RBM6: variants seen among roughly 807,000 people sequenced by gnomAD.
RBM6 encodes the protein RNA-binding protein 6.
Under a neutral mutation model 140.4 loss-of-function variants are expected in RBM6, and 23 were observed. The observed-to-expected ratio is 0.16, with a 90% CI of 0.12 to 0.23. The LOEUF is 0.23. Among genes scored for constraint, RBM6 ranks in the 10% least tolerant of loss-of-function variants. RBM6 has a pLI of 1.00. For missense variants in RBM6, 1,139 were observed against 1,386.7 expected (o/e 0.82, Z 2.84); for synonymous variants, 439 against 475.6 (o/e 0.92, Z 1.00).
chr3:49,952,620 C>T (rs1333733561), intron 1 of RBM6, among the ~76,000 whole-genome samples: 1 of 151,712 alleles, frequency 6.6e-6, no homozygotes, highest in African/African-American at 2.4e-5. Flanking sequence ...CTGCCTCAGC[C>T]TCCCGAGTAG....
Position 50,059,714 on chromosome 3 carries a change from G to A in RBM6, c.2196G>A (p.Met732Ile), listed in dbSNP as rs778877461. 3 of 1,613,740 alleles carry A rather than the reference G, an allele frequency of 1.9e-6. No individual in the cohort carries two copies. The East Asian group carries it at 6.7e-5, about 36-fold the overall frequency. ...CGCCATTTAGCATTGATGGGAAGATGGTAGCTGTAAACCTGGCCACTGGAA... is the reference window on the plus strand; with the variant it reads ...CGCCATTTAGCATTGATGGGAAGATAGTAGCTGTAAACCTGGCCACTGGAA... ...LDPPFSIDGK[M>I]VAVNLATGKR... is the part of the protein sequence containing the mutation. Residue 732 changes from methionine (M) to isoleucine (I), a missense_variant, in exon 11 of 21, where the codon ATG becomes ATA. Coordinates refer to ENST00000266022, the MANE Select transcript of RBM6 (RefSeq NM_005777.3).
At chr3:49,953,012 T>C (rs1434673678) in intron 1 of RBM6, among the ~76,000 whole-genome samples, 2 of 152,130 alleles carry the variant, frequency 1.3e-5, no homozygotes, top group Non-Finnish European at 2.9e-5. Flanking sequence ...CCTCAAAAAG[T>C]GCTGCGATTA....
chr3:50,054,249 T>TC, intron 7 of RBM6, 86 bp from the exon 8 acceptor site: 16 of 1,113,554 alleles, frequency 1.4e-5, no homozygotes, highest in Admixed American at 5.4e-5. Context: ...CTTGTTTCTT[T>TC]CATTTTTGGG....
chr3:49,955,758 T>G (rs11130226), intron 1 of RBM6, among the ~76,000 whole-genome samples: 72,133 of 151,254 alleles, frequency 0.48, 17,895 homozygotes, highest in African/African-American at 0.53. Flanking sequence ...CAGGAGAATC[T>G]CTTGAACTTG....
chr3:50,066,553 C>G (rs1211351430), intron 17 of RBM6, 51 bp downstream of exon 17: 2 of 1,574,742 alleles, frequency 1.3e-6, no homozygotes, highest in Admixed American at 3.4e-5. Context: ...CTTGGCCGGG[C>G]TTTGTGGCTC....
chr3:50,045,282 G>T (rs1423666725), intron 6 of RBM6, among the ~76,000 whole-genome samples: 3 of 152,168 alleles, frequency 2.0e-5, no homozygotes, highest in African/African-American at 7.2e-5. Context: ...ATTGACAGTA[G>T]TGCCTTGTTC....
At chr3:49,968,881 G>T in intron 3 of RBM6, 133 bp downstream of exon 3, 4 of 1,168,526 alleles carry the variant, frequency 3.4e-6, no homozygotes, top group Non-Finnish European at 3.5e-6. Context: ...CTGGGTTCAT[G>T]CCATTCTCCT....
rs2089933935 is a variant in RBM6 at position 50,061,332 on chromosome 3, C to T, written c.2353+111C>T. 4 of 1,589,220 alleles carry T rather than the reference C, an allele frequency of 2.5e-6. No individual in the cohort carries two copies. The East Asian group carries it at 9.0e-5, about 36-fold the overall frequency. On this transcript the variant is annotated intron_variant, in intron 13 of 20. Coordinates refer to ENST00000266022, the MANE Select transcript of RBM6 (RefSeq NM_005777.3). ...AGATACACTGTTGACTGAGGGTGCT[C>T]ATCCAGAGAGAGGCATCTGTAGATG...
intron 6 of RBM6, among the ~76,000 whole-genome samples, chr3:50,043,460 C>G (rs1023677758): frequency 6.8e-6 from 1 of 146,590 alleles, no homozygotes; most frequent in Non-Finnish European, 1.5e-5. Flanking sequence ...GCCACTCCAG[C>G]CTGGGCAACA....
intron 6 of RBM6, among the ~76,000 whole-genome samples, chr3:50,020,297 TG>T (rs1186130542): frequency 6.6e-6 from 1 of 152,206 alleles, no homozygotes; most frequent in Non-Finnish European, 1.5e-5. Context: ...TCAATTTTAT[TG>T]ATCTTTTCAA....
intron 6 of RBM6, among the ~76,000 whole-genome samples, chr3:50,042,659 C>T (rs1286648397): frequency 6.6e-6 from 1 of 152,050 alleles, no homozygotes; most frequent in Non-Finnish European, 1.5e-5. Flanking sequence ...TTGCTTGAGC[C>T]TGGGAGGTCA....
intron 2 of RBM6, among the ~76,000 whole-genome samples, chr3:49,964,768 A>G (rs1301058969): frequency 6.6e-6 from 1 of 152,218 alleles, no homozygotes; most frequent in Non-Finnish European, 1.5e-5. Context: ...TATAGAATTA[A>G]CGTGGTTTAG....
chr3:50,012,525 G>T (rs7645466), intron 6 of RBM6, among the ~76,000 whole-genome samples: 92,142 of 151,138 alleles, frequency 0.61, 28,539 homozygotes, highest in East Asian at 0.88. Flanking sequence ...GCCCGGCTAA[G>T]TTTTTGTATT....
chr3:50,023,382 T>A (rs1477109563), intron 6 of RBM6, among the ~76,000 whole-genome samples: 1 of 152,148 alleles, frequency 6.6e-6, no homozygotes. Flanking sequence ...CTCGGCTGAC[T>A]GCAACCTCCG....
At chr3:49,956,320 C>G (rs938510657) in intron 1 of RBM6, among the ~76,000 whole-genome samples, 11 of 149,888 alleles carry the variant, frequency 7.3e-5, no homozygotes, top group Non-Finnish European at 1.5e-4. Flanking sequence ...TTTCTGCCCC[C>G]TCCCCCGCTT....
rs888900457 is a variant in RBM6 at position 49,957,310 on chromosome 3, C to CT, written c.-66-5251dup. 4.8e-3 allele frequency among the ~76,000 whole-genome samples: 684 copies of CT among 141,442 alleles called. 2 individuals carry two copies. Among genetic ancestry groups the CT allele is most frequent in the African/African-American group, 8.3e-3 (324 of 38,814 alleles). The allele number at this position is 141,442 out of a possible 152,430, so 92.8% of individuals were successfully genotyped here. A position where few individuals can be genotyped will look rare whatever the true frequency, so the allele number is the denominator to read the frequency against. On this transcript the variant is annotated intron_variant, in intron 1 of 20. Coordinates refer to ENST00000266022, the MANE Select transcript of RBM6 (RefSeq NM_005777.3). ...GACTTTCTTCTCATTTTCTTTCTTT[C>CT]TTTTTTTTTTTTTTTGAAGTAGAGA...
intron 3 of RBM6, among the ~76,000 whole-genome samples, chr3:49,969,509 TTA>T (rs952382291): frequency 8.2e-5 from 12 of 146,948 alleles, no homozygotes; most frequent in South Asian, 4.2e-4. Flanking sequence ...GAATATATAT[TTA>T]TATATATATA....
rs117859697 is a variant in RBM6, at chr3:49,990,481, C to T, written c.1484-8959C>T. ...CATTGTTTCATATGCATGCAGTTTG[C>T]TGTTGATCAAAATGTAGTTAAGCAG... is the stretch of plus-strand genomic sequence containing the variant. On this transcript the variant is annotated intron_variant, in intron 5 of 20. Transcript: ENST00000266022. Among the ~76,000 whole-genome samples the T allele has an allele frequency of 5.0e-4, 76 of 152,260 alleles. No homozygotes were observed. The East Asian group carries it at 0.015, about 29-fold the overall frequency.
chr3:49,981,713 C>G (rs766174688), intron 5 of RBM6: 2 of 152,056 alleles, frequency 1.3e-5, no homozygotes, highest in Non-Finnish European at 2.9e-5. Flanking sequence ...GGACATATAA[C>G]TTAGTTGTTT....
Sources: gnomAD v4.1 joint callset for allele counts (sites outside exome capture counted in the v4.1 genomes callset) on GRCh38, gnomAD v4.1.1 for gene constraint, MANE v1.5 for transcripts, NCBI Gene and HGNC (gene_info 2026-07-23, HGNC 2026-07-21) for gene names.